ATF7: variants seen among roughly 807,000 people sequenced by gnomAD.
ATF7 encodes the protein cyclic AMP-dependent transcription factor ATF-7.
Under a neutral mutation model 50.4 loss-of-function variants are expected in ATF7, and 10 were observed. That is an observed-to-expected ratio of 0.20 (90% CI 0.12 to 0.34). ATF7 has a LOEUF of 0.34. Among genes scored for constraint, ATF7 ranks in the 10% least tolerant of loss-of-function variants. The probability of loss-of-function intolerance (pLI) is 1.00; values close to 1 mark genes in which losing one functional copy is unlikely to be tolerated. For missense variants in ATF7, 465 were observed against 613.9 expected (o/e 0.76, Z 2.56); for synonymous variants, 201 against 226.4 (o/e 0.89, Z 1.01).
At chr12:53,593,191 G>A (rs1156445963) in intron 2 of ATF7, among the ~76,000 whole-genome samples, 1 of 152,128 alleles carries the variant, frequency 6.6e-6, no homozygotes, top group Non-Finnish European at 1.5e-5. Flanking sequence ...GACTGCTTTA[G>A]GCTAGGAGTT....
chr12:53,624,683 T>C (rs1292178565), intron 1 of ATF7, among the ~76,000 whole-genome samples: 2 of 152,256 alleles, frequency 1.3e-5, no homozygotes. Flanking sequence ...TTGTGTTTGA[T>C]TTCCCCAGCC....
intron 5 of ATF7, among the ~76,000 whole-genome samples, chr12:53,536,889 A>T (rs1023380549): frequency 3.9e-5 from 6 of 152,054 alleles, no homozygotes; most frequent in African/African-American, 1.2e-4. Flanking sequence ...CTGTCTCAAC[A>T]ACAACAACAA....
rs754518298 is a variant in ATF7, at chr12:53,534,678, C to G, written c.403-19G>C. On this transcript the variant is annotated intron_variant, in intron 5 of 11. Transcript: ENST00000420353. The stretch of plus-strand genomic sequence containing the variant: ...TAACCTCCTGGAGAAAAGAAACCAA[C>G]AGATCACAAAATGTTTTAAGGTGTG... The G allele has an allele frequency of 1.1e-5, 18 of 1,606,592 alleles. No individual in the cohort carries two copies. The South Asian group carries it at 1.9e-4, about 17-fold the overall frequency.
intron 1 of ATF7, among the ~76,000 whole-genome samples, chr12:53,603,457 C>T (rs1943482490): frequency 1.3e-5 from 2 of 152,044 alleles, no homozygotes; most frequent in African/African-American, 4.8e-5. Flanking sequence ...ATTTTCATTG[C>T]TCTTAAATAT....
intron 4 of ATF7, among the ~76,000 whole-genome samples, chr12:53,538,817 A>T (rs1182303123): frequency 6.6e-6 from 1 of 152,174 alleles, no homozygotes; most frequent in Non-Finnish European, 1.5e-5. Flanking sequence ...TACATTAGAG[A>T]AGGTAGTAGT....
chr12:53,555,339 G>C (rs1024277937), intron 2 of ATF7, among the ~76,000 whole-genome samples: 2 of 148,488 alleles, frequency 1.3e-5, no homozygotes, highest in Admixed American at 1.3e-4. Context: ...AAAAAAAAAA[G>C]AGTGAGGGTT....
At chr12:53,604,637 A>C (rs928963425) in intron 1 of ATF7, among the ~76,000 whole-genome samples, 1 of 152,224 alleles carries the variant, frequency 6.6e-6, no homozygotes, top group Non-Finnish European at 1.5e-5. Flanking sequence ...AAGATGGCCC[A>C]ACTCTAAGCA....
rs369186071 is a variant in ATF7, at chr12:53,517,147, G to A, written c.1442C>T (p.Ala481Val). 8.1e-6 allele frequency: 13 copies of A among 1,611,432 alleles called. No individual in the cohort carries two copies. Among genetic ancestry groups the A allele is most frequent in the South Asian group, 3.3e-5 (3 of 91,086 alleles). The change falls in exon 12 of 12, where the codon GCG (alanine) becomes GTG (valine). Residue 481 changes from alanine to valine, a missense_variant. Coordinates refer to ENST00000420353, the MANE Select transcript of ATF7 (RefSeq NM_006856.3). Reference protein sequence around the residue: ...HVIMTPQSQSAGR With the variant: ...HVIMTPQSQSVGR ...CCACCAGAGGAGGCATCATCTGCCC[G>A]CAGACTGGGACTGTGGGGTCATGAT...
chr12:53,619,054 A>G (rs1216504660), intron 1 of ATF7, among the ~76,000 whole-genome samples: 1 of 146,978 alleles, frequency 6.8e-6, no homozygotes, highest in Non-Finnish European at 1.5e-5. Context: ...TCTGTCTCCA[A>G]AAAAAAAAAA....
chr12:53,615,371 G>A (rs936231169), intron 1 of ATF7, among the ~76,000 whole-genome samples: 5 of 151,758 alleles, frequency 3.3e-5, no homozygotes, highest in Admixed American at 1.3e-4. Flanking sequence ...GTGACAGAGC[G>A]AGACTCTGTC....
intron 2 of ATF7, among the ~76,000 whole-genome samples, chr12:53,587,832 TATATATATA>T (rs1479359050): frequency 6.6e-5 from 3 of 45,348 alleles, no homozygotes; most frequent in South Asian, 2.3e-3. Flanking sequence ...TATATATATA[TATATATATA>T]TATTTTTTTT....
chr12:53,591,100 A>C (rs1592944462), intron 2 of ATF7, among the ~76,000 whole-genome samples: 1 of 152,186 alleles, frequency 6.6e-6, no homozygotes, highest in East Asian at 1.9e-4. Context: ...TTAACAATAA[A>C]GGAAATTGTG....
intron 2 of ATF7, among the ~76,000 whole-genome samples, chr12:53,595,933 A>G (rs1042700893): frequency 2.0e-5 from 3 of 152,108 alleles, no homozygotes; most frequent in Non-Finnish European, 4.4e-5. Flanking sequence ...AGATCTCTCC[A>G]GGCAAAAAAA....
intron 2 of ATF7, among the ~76,000 whole-genome samples, chr12:53,576,775 C>G (rs1273226685): frequency 2.0e-5 from 3 of 152,184 alleles, no homozygotes; most frequent in Non-Finnish European, 4.4e-5. Flanking sequence ...AGAATCCCGA[C>G]CAGGCACGGT....
intron 3 of ATF7, among the ~76,000 whole-genome samples, chr12:53,549,489 C>T (rs1275811212): frequency 1.3e-5 from 2 of 151,890 alleles, no homozygotes; most frequent in African/African-American, 2.4e-5. Context: ...CCACAACCTC[C>T]GCCTCCTGAG....
chr12:53,590,971 G>A (rs1256819488), intron 2 of ATF7, among the ~76,000 whole-genome samples: 5 of 152,008 alleles, frequency 3.3e-5, no homozygotes, highest in East Asian at 1.9e-4. Flanking sequence ...ATACATTTGC[G>A]AAACCCCACA....
chr12:53,539,615 G>A (rs1177906981), intron 4 of ATF7, among the ~76,000 whole-genome samples: 1 of 152,062 alleles, frequency 6.6e-6, no homozygotes, highest in Non-Finnish European at 1.5e-5. Flanking sequence ...GTTAAGCTCA[G>A]GAGGTGGAGG....
At chr12:53,568,493 G>C (rs1262232015) in intron 2 of ATF7, among the ~76,000 whole-genome samples, 2 of 152,090 alleles carry the variant, frequency 1.3e-5, no homozygotes, top group Non-Finnish European at 2.9e-5. Flanking sequence ...AGCTATCAAA[G>C]CTTACAGGCC....
rs911660548 is a variant in ATF7 at position 53,513,446 on chromosome 12, G to C, written c.*3691C>G. 1 of 152,112 alleles carries C rather than the reference G, an allele frequency of 6.6e-6. No individual in the cohort carries two copies. Among genetic ancestry groups the C allele is most frequent in the Non-Finnish European group, 1.5e-5 (1 of 68,028 alleles). The allele number at this position is 152,112 out of a possible 1,614,324, so 9.4% of individuals were successfully genotyped here. A position where few individuals can be genotyped will look rare whatever the true frequency, so the allele number is the denominator to read the frequency against. ...TGGGGTGGAGGGAGTCCTTTAATCT[G>C]CCTTAGGATCCCCACCTTTCCTGTT... On this transcript the variant is annotated 3_prime_UTR_variant, in exon 12 of 12. Transcript: ENST00000420353.
Sources: allele counts gnomAD v4.1 joint callset (sites outside exome capture counted in the v4.1 genomes callset), GRCh38; gene constraint gnomAD v4.1.1; transcripts MANE v1.5; gene names NCBI Gene and HGNC (gene_info 2026-07-23, HGNC 2026-07-21).